PPARGC1A: variants seen among roughly 807,000 people sequenced by gnomAD.
PPARGC1A encodes peroxisome proliferator-activated receptor gamma coactivator 1-alpha.
Under a neutral mutation model 88.7 loss-of-function variants are expected in PPARGC1A, and 25 were observed. The ratio of observed to expected loss-of-function variants is 0.28; its 90% confidence interval spans 0.21 to 0.39. PPARGC1A has a LOEUF of 0.39. Ranked by LOEUF, PPARGC1A falls within the 10% of genes least tolerant of loss-of-function variation. The pLI, the probability that PPARGC1A is intolerant of heterozygous loss-of-function variation, is 1.00. For synonymous variants in PPARGC1A, 363 were observed against 355.6 expected, an observed-to-expected ratio of 1.02 and a Z score of -0.24; for missense variants, 880 against 968.7, an observed-to-expected ratio of 0.91 and a Z score of 1.22.
At chr4:24,124,787 T>C in the PPARGC1A span, among the ~76,000 whole-genome samples, 8 of 152,190 alleles carry the variant, frequency 5.3e-5, no homozygotes, top group African/African-American at 1.9e-4. Flanking sequence ...GAGAGTCATA[T>C]TCAATCTATG....
At chr4:23,854,254 C>T (rs1729804043) in intron 2 of PPARGC1A, among the ~76,000 whole-genome samples, 1 of 152,096 alleles carries the variant, frequency 6.6e-6, no homozygotes, top group Non-Finnish European at 1.5e-5. Context: ...AGTAATGTTG[C>T]CAGGAATCCA....
chr4:24,288,589 G>A, the PPARGC1A span, among the ~76,000 whole-genome samples: 97 of 152,206 alleles, frequency 6.4e-4, no homozygotes, highest in Non-Finnish European at 1.3e-3. Flanking sequence ...TGTGTTTTAT[G>A]ACACTGTAAT....
the PPARGC1A span, among the ~76,000 whole-genome samples, chr4:24,248,298 T>C: frequency 1.3e-5 from 2 of 152,088 alleles, no homozygotes; most frequent in Non-Finnish European, 2.9e-5. Context: ...CTAATTGTTT[T>C]GCATTTTTAG....
At chr4:23,910,327 ATATATT>A in the PPARGC1A span, among the ~76,000 whole-genome samples, 6 of 56,730 alleles carry the variant, frequency 1.1e-4, no homozygotes, top group Non-Finnish European at 1.6e-4. Context: ...TATATATATT[ATATATT>A]ATATATATTA....
At chr4:23,916,402 C>T in the PPARGC1A span, among the ~76,000 whole-genome samples, 2,550 of 152,210 alleles carry the variant, frequency 0.017, 66 homozygotes, top group African/African-American at 0.057. Flanking sequence ...TCCCCTACAT[C>T]CTAGCAAACA....
the PPARGC1A span, among the ~76,000 whole-genome samples, chr4:24,147,645 T>A: frequency 6.6e-6 from 1 of 152,002 alleles, no homozygotes; most frequent in African/African-American, 2.4e-5. Flanking sequence ...CAAATTCTTC[T>A]GAGAGGGCAT....
chr4:24,050,111 T>G, the PPARGC1A span, among the ~76,000 whole-genome samples: 4 of 151,982 alleles, frequency 2.6e-5, no homozygotes, highest in Non-Finnish European at 5.9e-5. Context: ...TAAGAACACT[T>G]GAAATTGATA....
intron 10 of PPARGC1A, among the ~76,000 whole-genome samples, chr4:23,810,030 A>T (rs1358493177): frequency 6.6e-6 from 1 of 152,188 alleles, no homozygotes; most frequent in Non-Finnish European, 1.5e-5. Flanking sequence ...TACAGGGACG[A>T]TGTCTTTCCT....
the PPARGC1A span, among the ~76,000 whole-genome samples, chr4:24,453,518 C>T: frequency 7.2e-5 from 11 of 152,304 alleles, no homozygotes; most frequent in African/African-American, 2.4e-4. Flanking sequence ...CAGTGGCACA[C>T]GCCTGTAATT....
the PPARGC1A span, among the ~76,000 whole-genome samples, chr4:24,245,925 G>GCACACACACACA: frequency 3.4e-4 from 51 of 148,478 alleles, no homozygotes; most frequent in East Asian, 9.9e-4. Flanking sequence ...AAAGCCATGT[G>GCACACACACACA]CACACACACA....
chr4:24,120,544 G>A, the PPARGC1A span, among the ~76,000 whole-genome samples: 3 of 152,150 alleles, frequency 2.0e-5, no homozygotes, highest in African/African-American at 7.2e-5. Flanking sequence ...TCTAGGGAGA[G>A]TAAGTAACTT....
the PPARGC1A span, among the ~76,000 whole-genome samples, chr4:23,957,128 T>C: frequency 1.3e-5 from 2 of 152,054 alleles, no homozygotes; most frequent in African/African-American, 4.8e-5. Flanking sequence ...AGACAGGCCA[T>C]GTCATTTCCT....
the PPARGC1A span, among the ~76,000 whole-genome samples, chr4:24,372,498 T>C: frequency 1.3e-5 from 2 of 152,322 alleles, no homozygotes; most frequent in Non-Finnish European, 2.9e-5. Flanking sequence ...TCCTTAATGC[T>C]AACTCAGGGG....
intron 2 of PPARGC1A, chr4:23,866,305 G>C (rs1340205562): frequency 6.6e-6 from 1 of 152,086 alleles, no homozygotes; most frequent in African/African-American, 2.4e-5. Context: ...CATTAATAAT[G>C]ATAGCTTGAA....
the PPARGC1A span, among the ~76,000 whole-genome samples, chr4:24,375,494 T>G: frequency 2.0e-5 from 3 of 152,170 alleles, no homozygotes; most frequent in Non-Finnish European, 2.9e-5. Flanking sequence ...AATGTCACAT[T>G]AACTAGTTGA....
the PPARGC1A span, among the ~76,000 whole-genome samples, chr4:24,279,520 T>C: frequency 6.6e-6 from 1 of 152,144 alleles, no homozygotes; most frequent in Admixed American, 6.5e-5. Context: ...GAGGCAAGCA[T>C]TTGTTATCGT....
the PPARGC1A span, among the ~76,000 whole-genome samples, chr4:24,047,352 T>A: frequency 6.6e-6 from 1 of 152,366 alleles, no homozygotes; most frequent in Middle Eastern, 3.4e-3. Flanking sequence ...TTTACTACTA[T>A]ATCCCTGGCA....
At chr4:24,255,450 G>A in the PPARGC1A span, among the ~76,000 whole-genome samples, 1 of 152,136 alleles carries the variant, frequency 6.6e-6, no homozygotes, top group Non-Finnish European at 1.5e-5. Flanking sequence ...GACAAAAAGT[G>A]AATCAAATTT....
the PPARGC1A span, among the ~76,000 whole-genome samples, chr4:24,304,302 T>A: frequency 6.6e-6 from 1 of 152,196 alleles, no homozygotes; most frequent in African/African-American, 2.4e-5. Context: ...CCAGACTTGT[T>A]ATAACTTGTT....
Sources: gnomAD v4.1 joint callset for allele counts (sites outside exome capture counted in the v4.1 genomes callset) on GRCh38, gnomAD v4.1.1 for gene constraint, MANE v1.5 for transcripts, NCBI Gene and HGNC (gene_info 2026-07-23, HGNC 2026-07-21) for gene names.